PNPT1: variants seen among roughly 807,000 people sequenced by gnomAD.
PNPT1 encodes the protein polyribonucleotide nucleotidyltransferase 1, mitochondrial.
PNPT1 carries 53 observed loss-of-function variants against 119.5 expected under a neutral mutation model. That is an observed-to-expected ratio of 0.44 (90% CI 0.36 to 0.56). PNPT1 has a LOEUF of 0.56. Ranked by LOEUF, PNPT1 falls within the 20% of genes least tolerant of loss-of-function variation. The pLI is 0.00. For missense variants in PNPT1, 948 were observed against 938.5 expected (o/e 1.01, Z -0.13); for synonymous variants, 357 against 322.1 (o/e 1.11, Z -1.16).
At position 55,661,973 on chromosome 2, in the gene PNPT1, T is replaced by A. The variant is rs1696592549; in HGVS notation, c.1230A>T (p.Gln410His). The A allele has an allele frequency of 6.4e-7, 1 of 1,573,058 alleles. No homozygotes were observed. Among genetic ancestry groups the A allele is most frequent in the Non-Finnish European group, 8.6e-7 (1 of 1,167,002 alleles). ...TAACTTACTTTATAGCTGTTATAAC[T>A]TGATCTGACTTAATACCAGATTCTA... ...DSLESGIKSD[Q>H]VITAINGIKD... Residue 410 changes from glutamine to histidine, a missense_variant, in exon 14 of 28, where the codon CAA becomes CAT. Coordinates refer to ENST00000447944, the MANE Select transcript of PNPT1 (RefSeq NM_033109.5).
intron 8 of PNPT1, among the ~76,000 whole-genome samples, chr2:55,676,347 T>C (rs1383284937): frequency 6.6e-6 from 1 of 151,674 alleles, no homozygotes; most frequent in Non-Finnish European, 1.5e-5. Flanking sequence ...TGAGATTAGC[T>C]GAAGCTATAA....
chr2:55,657,490 C>T (rs1466010363), intron 15 of PNPT1, among the ~76,000 whole-genome samples: 11 of 151,180 alleles, frequency 7.3e-5, no homozygotes, highest in East Asian at 2.0e-4. Flanking sequence ...TGGGTTCAAG[C>T]GATTCTCCTG....
intron 8 of PNPT1, among the ~76,000 whole-genome samples, chr2:55,675,034 G>T (rs902137885): frequency 1.3e-5 from 2 of 152,196 alleles, no homozygotes; most frequent in Non-Finnish European, 2.9e-5. Context: ...GCCAAGGTGG[G>T]AGGATTATTT....
chr2:55,638,420 G>A (rs1045302595), intron 26 of PNPT1, among the ~76,000 whole-genome samples: 8 of 152,146 alleles, frequency 5.3e-5, no homozygotes, highest in Non-Finnish European at 1.2e-4. Flanking sequence ...CCAGAACTTT[G>A]GGAGGCCGAG....
intron 18 of PNPT1, among the ~76,000 whole-genome samples, chr2:55,653,215 C>T (rs975175004): frequency 6.6e-6 from 1 of 152,154 alleles, no homozygotes; most frequent in African/African-American, 2.4e-5. Flanking sequence ...TTGAGGGTCA[C>T]GATCAAGTTC....
intron 11 of PNPT1, among the ~76,000 whole-genome samples, chr2:55,670,337 C>A (rs932408453): frequency 6.6e-5 from 10 of 152,220 alleles, no homozygotes; most frequent in Admixed American, 2.0e-4. Context: ...CAGGTGCCCG[C>A]CACCACGCCC....
intron 20 of PNPT1, 34 bp from the exon 21 acceptor site, chr2:55,646,356 T>G: frequency 6.3e-7 from 1 of 1,599,722 alleles, no homozygotes; most frequent in Non-Finnish European, 8.6e-7. Context: ...TATATAAATA[T>G]TGACTCATGG....
intron 26 of PNPT1, among the ~76,000 whole-genome samples, chr2:55,638,445 T>A (rs1366257278): frequency 6.6e-6 from 1 of 152,076 alleles, no homozygotes; most frequent in Non-Finnish European, 1.5e-5. Context: ...AAGGACTGCT[T>A]AAACCAGACT....
intron 17 of PNPT1, among the ~76,000 whole-genome samples, chr2:55,655,639 T>C (rs1035054696): frequency 2.0e-5 from 3 of 152,264 alleles, no homozygotes; most frequent in Non-Finnish European, 4.4e-5. Flanking sequence ...AATCTGTGAC[T>C]ATCTGATTTA....
intron 18 of PNPT1, 123 bp from the exon 19 acceptor site, chr2:55,647,576 G>C (rs951518859): frequency 8.0e-6 from 5 of 621,246 alleles, no homozygotes; most frequent in African/African-American, 7.4e-5. Context: ...CTGGAGTGCA[G>C]TGGCATGATC....
chr2:55,691,876 A>ATTTTTTTT (rs1475795171), intron 1 of PNPT1, among the ~76,000 whole-genome samples: 40 of 18,532 alleles, frequency 2.2e-3, no homozygotes, highest in Non-Finnish European at 4.0e-3. Flanking sequence ...ATATATATAT[A>ATTTTTTTT]TATTTTTTTT....
intron 8 of PNPT1, among the ~76,000 whole-genome samples, chr2:55,678,509 C>A (rs1697154365): frequency 6.6e-6 from 1 of 152,192 alleles, no homozygotes; most frequent in South Asian, 2.1e-4. Flanking sequence ...TACTCAACTG[C>A]CACACACCTT....
chr2:55,636,093 G>T lies in PNPT1; in HGVS notation c.*144C>A. 2.1e-6 allele frequency: 1 copy of T among 480,620 alleles called. No homozygotes were observed. Among genetic ancestry groups the T allele is most frequent in the Non-Finnish European group, 3.3e-6 (1 of 303,870 alleles). 29.8% of individuals were successfully genotyped at this position (480,620 alleles called of 1,614,324 possible). A position where few individuals can be genotyped will look rare whatever the true frequency, so the allele number is the denominator to read the frequency against. On this transcript the variant is annotated 3_prime_UTR_variant, in exon 28 of 28. Coordinates refer to ENST00000447944, the MANE Select transcript of PNPT1 (RefSeq NM_033109.5). ...TACTCGAATTAAAAAAATGGCACAT[G>T]TAAATGAGCATTTTAGTACAAATAA...
intron 1 of PNPT1, among the ~76,000 whole-genome samples, chr2:55,688,343 T>G (rs1449959832): frequency 6.6e-6 from 1 of 152,032 alleles, no homozygotes; most frequent in Non-Finnish European, 1.5e-5. Flanking sequence ...CCTGGCTCCA[T>G]TTACCATCTT....
chr2:55,638,330 T>A, intron 26 of PNPT1, among the ~76,000 whole-genome samples: 1 of 149,018 alleles, frequency 6.7e-6, no homozygotes, highest in African/African-American at 2.5e-5. Context: ...CAGTTAATTA[T>A]AAAGATTTAA....
chr2:55,650,661 G>T (rs1696149019), intron 18 of PNPT1, among the ~76,000 whole-genome samples: 1 of 151,818 alleles, frequency 6.6e-6, no homozygotes, highest in Non-Finnish European at 1.5e-5. Context: ...GAGATGTGGG[G>T]AGCACCTCTG....
intron 4 of PNPT1, 81 bp downstream of exon 4, chr2:55,684,862 A>G (rs1443909598): frequency 7.3e-7 from 1 of 1,363,484 alleles, no homozygotes; most frequent in Non-Finnish European, 9.6e-7. Context: ...CTTAAGACTT[A>G]TTGTAGAACA....
intron 2 of PNPT1, 21 bp from the exon 3 acceptor site, chr2:55,686,465 C>T (rs371022676): frequency 6.3e-7 from 1 of 1,594,100 alleles, no homozygotes; most frequent in South Asian, 1.1e-5. Context: ...AAGAACAACG[C>T]TGGTAAGTTC....
chr2:55,693,725 C>A lies in PNPT1; in HGVS notation c.99G>T (p.Leu33Phe). ...LPRRDRALTQ[L>F]QVRALWSSAG... The stretch of plus-strand genomic sequence containing the variant: ...CGCTACTCCATAGTGCTCGCACTTG[C>A]AACTGGGTGAGTGCCCGATCCCGCC... The change falls in exon 1 of 28, where the codon TTG becomes TTT. Residue 33 changes from leucine to phenylalanine, a missense_variant. Coordinates refer to ENST00000447944, the MANE Select transcript of PNPT1 (RefSeq NM_033109.5). 1 of 1,614,226 alleles carries A rather than the reference C, an allele frequency of 6.2e-7. No homozygotes were observed. Among genetic ancestry groups the A allele is most frequent in the Non-Finnish European group, 8.5e-7 (1 of 1,180,048 alleles).
Sources: gnomAD v4.1 joint callset for allele counts (sites outside exome capture counted in the v4.1 genomes callset) on GRCh38, gnomAD v4.1.1 for gene constraint, MANE v1.5 for transcripts, NCBI Gene and HGNC (gene_info 2026-07-23, HGNC 2026-07-21) for gene names.